The following TSC2 variants were observed in gnomAD, a reference collection of about 807,000 sequenced individuals.
The protein encoded by TSC2 is TSC complex subunit 2.
In TSC2, 29 loss-of-function variants were observed where a neutral mutation model predicts 202.2. The ratio of observed to expected loss-of-function variants is 0.14; its 90% CI spans 0.11 to 0.20. The LOEUF is 0.20. Ranked by LOEUF, TSC2 falls within the 10% of genes least tolerant of loss-of-function variation. The pLI, the probability that TSC2 is intolerant of heterozygous loss-of-function variation, is 1.00. For missense variants in TSC2, 2,429 were observed against 2,420.0 expected, an observed-to-expected ratio of 1.00 and a Z score of -0.08; for synonymous variants, 1,349 against 1,044.0, an observed-to-expected ratio of 1.29 and a Z score of -5.63.
chr16:2,066,794 C>T (rs936127120), intron 16 of TSC2, among the ~76,000 whole-genome samples: 2 of 151,258 alleles, frequency 1.3e-5, no homozygotes, highest in Non-Finnish European at 2.9e-5. Context: ...CTGAGCATCT[C>T]GTATTACAGG....
intron 17 of TSC2, among the ~76,000 whole-genome samples, chr16:2,070,895 C>A (rs1014526486): frequency 6.6e-6 from 1 of 152,188 alleles, no homozygotes; most frequent in African/African-American, 2.4e-5. Flanking sequence ...GAAGGACCTG[C>A]AGCAGAGGGC....
chr16:2,063,201 T>G, intron 14 of TSC2, 148 bp downstream of exon 14: 1 of 959,316 alleles, frequency 1.0e-6, no homozygotes, highest in Non-Finnish European at 1.6e-6. Context: ...GTGGTCTGTT[T>G]ACCCCTGTTC....
At chr16:2,071,412 T>C in intron 17 of TSC2, 98 bp from the exon 18 acceptor site, 3 of 1,260,716 alleles carry the variant, frequency 2.4e-6, no homozygotes, top group Non-Finnish European at 3.4e-6. Flanking sequence ...CTTTTCTGAG[T>C]GCCTGTGGTG....
chr16:2,082,193 G>T, intron 31 of TSC2: 1 of 604,956 alleles, frequency 1.7e-6, no homozygotes, highest in Admixed American at 2.9e-5. Context: ...AGGCCCTCTG[G>T]CTCTTCCCTG....
rs2151509808 is a variant in TSC2 at position 2,083,691 on chromosome 16, C to T, written c.3884-4C>T. ...ATCCAGCAGCCCCGTCTGTGTCCTC[C>T]CAGACTCCGCCGTGGTCATGGAGGA... On this transcript the variant is annotated splice_region_variant and splice_polypyrimidine_tract_variant and intron_variant, in intron 32 of 41. Transcript: ENST00000219476. 4 of 1,578,022 alleles carry T rather than the reference C, an allele frequency of 2.5e-6. No homozygotes were observed. Among genetic ancestry groups the T allele is most frequent in the Non-Finnish European group, 2.6e-6 (3 of 1,162,456 alleles).
At chr16:2,049,889 G>A (rs1048848653) in intron 2 of TSC2, among the ~76,000 whole-genome samples, 1 of 150,842 alleles carries the variant, frequency 6.6e-6, no homozygotes, top group Admixed American at 6.6e-5. Context: ...AACATTTGCA[G>A]TTGTGAAAAA....
chr16:2,081,323 C>A (rs1286658402), intron 30 of TSC2: 3 of 521,056 alleles, frequency 5.8e-6, no homozygotes, highest in Non-Finnish European at 7.0e-6. Flanking sequence ...GGGTTCCAGC[C>A]CTCGTGGAGG....
rs1240163904 is a variant in TSC2, at chr16:2,088,800, T to TGGTACACAGAAGC, written c.*191_*203dup. ...CTAGAAGCGGCCATGCCCACAGAAG[T>TGGTACACAGAAGC]GGTACACAGAAGCAGGCACAGCCAG... On this transcript the variant is annotated 3_prime_UTR_variant, in exon 42 of 42. Transcript: ENST00000219476. The TGGTACACAGAAGC allele has an allele frequency of 3.9e-6, 3 of 773,220 alleles. No homozygotes were observed. Among genetic ancestry groups the TGGTACACAGAAGC allele is most frequent in the Admixed American group, 5.7e-5 (2 of 35,268 alleles). 47.9% of individuals were successfully genotyped at this position (773,220 alleles called of 1,614,324 possible).
intron 26 of TSC2, chr16:2,078,711 C>T (rs1169471095): frequency 7.0e-6 from 3 of 430,006 alleles, no homozygotes; most frequent in Non-Finnish European, 1.3e-5. Flanking sequence ...GCCTCCGCCT[C>T]TCTGCATGAC....
intron 14 of TSC2, chr16:2,063,366 T>C: frequency 1.9e-6 from 1 of 524,800 alleles, no homozygotes; most frequent in South Asian, 2.0e-5. Context: ...TTTCAGCCAG[T>C]CTTGCATGGG....
intron 3 of TSC2, among the ~76,000 whole-genome samples, chr16:2,052,828 G>A (rs182132924): frequency 6.6e-6 from 1 of 152,306 alleles, no homozygotes; most frequent in Admixed American, 6.5e-5. Context: ...AGAAGGCCAC[G>A]CAGCGCTCTT....
Position 2,081,682 on chromosome 16 carries a change from A to G in TSC2, c.3698A>G (p.Asn1233Ser), listed in dbSNP as rs1412376534. Residue 1233 changes from asparagine to serine, a missense_variant, in exon 31 of 42, where the codon AAC becomes AGC. Coordinates refer to ENST00000219476, the MANE Select transcript of TSC2 (RefSeq NM_000548.5). The part of the protein sequence containing the change: ...INNMPLQELS[N>S]ALMAAERFKE... ...AACATGCCCCTGCAGGAGCTGTCTA[A>G]CGCCCTCATGGCGGCTGAGCGCTTC... is the stretch of plus-strand genomic sequence containing the variant. 1.2e-6 allele frequency: 2 copies of G among 1,612,964 alleles called. No homozygotes were observed. Among genetic ancestry groups the G allele is most frequent in the Non-Finnish European group, 1.7e-6 (2 of 1,180,010 alleles).
In TSC2 at chr16:2,086,190, C is replaced by T. The variant is rs397514930; in HGVS notation, c.4663-3C>T. The T allele has an allele frequency of 3.7e-6, 6 of 1,612,388 alleles. No homozygotes were observed. The highest frequency in any genetic ancestry group is 2.7e-5 in the African/African-American group (2 of 74,894). On this transcript the variant is annotated splice_polypyrimidine_tract_variant and splice_region_variant and intron_variant, in intron 36 of 41. Transcript: ENST00000219476. ...CCACCCTGCCTCTCCCCTCTCCCCA[C>T]AGAGCAACAGCGAGCTCGCCATCCT...
chr16:2,073,269 A>AGGTT (rs773420196), intron 21 of TSC2, among the ~76,000 whole-genome samples: 1 of 152,112 alleles, frequency 6.6e-6, no homozygotes, highest in Non-Finnish European at 1.5e-5. Flanking sequence ...TGCTGTCCCA[A>AGGTT]GGGGGAGGTG....
At position 2,050,342 on chromosome 16, in the gene TSC2, A is replaced by G. The variant is rs2084945190; in HGVS notation, c.139-58A>G. On this transcript the variant is annotated intron_variant, in intron 2 of 41. Transcript: ENST00000219476. ...AGTCTTTAGGTGGTTTGTGACTTGCAGTTAAGGAGACCGTGGCCTGAGCAC... is the reference window on the plus strand; with the variant it reads ...AGTCTTTAGGTGGTTTGTGACTTGCGGTTAAGGAGACCGTGGCCTGAGCAC... 2.0e-6 allele frequency: 3 copies of G among 1,493,402 alleles called. No homozygotes were observed. In the South Asian group the frequency reaches 3.4e-5, roughly 17 times the overall value. 92.5% of individuals were successfully genotyped at this position (1,493,402 alleles called of 1,614,324 possible).
chr16:2,081,507 C>T lies in TSC2; in HGVS notation c.3611-88C>T, dbSNP rs1246266267. The T allele has an allele frequency of 5.1e-6, 8 of 1,563,664 alleles. No homozygotes were observed. In the East Asian group the frequency reaches 1.3e-4, roughly 26 times the overall value. On this transcript the variant is annotated intron_variant, in intron 30 of 41. Transcript: ENST00000219476. Reference sequence around the variant, plus strand: ...GTGGGAGGGAGCATGAGGGCAAAACCAGGGCCCAGGCCAGGAGGCCCCTGG... The same window carrying T: ...GTGGGAGGGAGCATGAGGGCAAAACTAGGGCCCAGGCCAGGAGGCCCCTGG...
At chr16:2,061,170 C>G (rs748454394) in intron 11 of TSC2, 1 of 372,274 alleles carries the variant, frequency 2.7e-6, no homozygotes, top group Admixed American at 3.7e-5. Flanking sequence ...TTTGGAGGAC[C>G]GCATTAGTCG....
chr16:2,069,251 T>C lies in TSC2; in HGVS notation c.1717-1205T>C, dbSNP rs78162548. Among the ~76,000 whole-genome samples, 1,186 of 152,298 alleles carry C rather than the reference T, an allele frequency of 7.8e-3. 10 individuals are homozygous for C. Among genetic ancestry groups the C allele is most frequent in the African/African-American group, 0.027 (1,124 of 41,570 alleles). ...GTGAACCCCCACCTCCACCTCTTTT[T>C]TGTCCGAGGAAGGGATGTTGCTTTT... On this transcript the variant is annotated intron_variant, in intron 16 of 41. Transcript: ENST00000219476.
chr16:2,086,595 A>C (rs2090825877), intron 37 of TSC2, 137 bp from the exon 38 acceptor site: 1 of 1,446,408 alleles, frequency 6.9e-7, no homozygotes, highest in Non-Finnish European at 9.3e-7. Flanking sequence ...AGAGCCGAGG[A>C]CCACTGGCCA....
Sources: allele counts gnomAD v4.1 joint callset (sites outside exome capture counted in the v4.1 genomes callset), GRCh38; gene constraint gnomAD v4.1.1; transcripts MANE v1.5; gene names NCBI Gene and HGNC (gene_info 2026-07-23, HGNC 2026-07-21).